The following DGKB variants were observed in gnomAD, a reference collection of about 807,000 sequenced individuals.
The protein encoded by DGKB is 90 kDa diacylglycerol kinase.
A neutral mutation model predicts 114.3 loss-of-function variants in DGKB; 67 were observed. The ratio of observed to expected loss-of-function variants is 0.59; its 90% CI spans 0.48 to 0.72. The LOEUF is 0.72. Among genes scored for constraint, DGKB ranks in the 30% least tolerant of loss-of-function variants. The probability of loss-of-function intolerance (pLI) is 0.00; values close to 1 mark genes in which losing one functional copy is unlikely to be tolerated. For missense variants in DGKB, 907 were observed against 975.2 expected, an observed-to-expected ratio of 0.93 and a Z score of 0.93; for synonymous variants, 398 against 323.1, an observed-to-expected ratio of 1.23 and a Z score of -2.49.
intron 2 of DGKB, among the ~76,000 whole-genome samples, chr7:14,779,266 G>T (rs1481567168): frequency 6.6e-6 from 1 of 151,958 alleles, no homozygotes; most frequent in Non-Finnish European, 1.5e-5. Flanking sequence ...GAGAGGGGTG[G>T]GGTTCATGCC....
chr7:14,362,557 C>G (rs1282815982), intron 21 of DGKB, among the ~76,000 whole-genome samples: 3 of 151,772 alleles, frequency 2.0e-5, no homozygotes, highest in Non-Finnish European at 4.4e-5. Context: ...TTTTATTTAT[C>G]TAAATGTGAG....
At chr7:14,491,716 G>A (rs1188382904) in intron 20 of DGKB, among the ~76,000 whole-genome samples, 1 of 152,040 alleles carries the variant, frequency 6.6e-6, no homozygotes, top group Non-Finnish European at 1.5e-5. Flanking sequence ...CCTGGAGGAT[G>A]TTAAAAAACA....
At chr7:14,457,012 C>A (rs991085537) in intron 21 of DGKB, among the ~76,000 whole-genome samples, 1 of 152,098 alleles carries the variant, frequency 6.6e-6, no homozygotes, top group African/African-American at 2.4e-5. Flanking sequence ...CCTACACTTT[C>A]ACTGTGCTGA....
At chr7:14,234,095 C>A (rs908130751) in intron 23 of DGKB, among the ~76,000 whole-genome samples, 3 of 152,054 alleles carry the variant, frequency 2.0e-5, no homozygotes, top group African/African-American at 7.2e-5. Context: ...TGAGTTCTTT[C>A]TTCTTTGCCT....
chr7:14,392,995 G>GTTTGTTTTTTTTTTTTTTTT (rs1821578405), intron 21 of DGKB, among the ~76,000 whole-genome samples: 1 of 60,546 alleles, frequency 1.7e-5, no homozygotes, highest in African/African-American at 4.8e-5. Flanking sequence ...TTTTGTTTTT[G>GTTTGTTTTTTTTTTTTTTTT]TTTTTTTTTT....
intron 17 of DGKB, among the ~76,000 whole-genome samples, chr7:14,587,296 T>C (rs1028241473): frequency 2.6e-5 from 4 of 152,068 alleles, no homozygotes; most frequent in African/African-American, 9.7e-5. Context: ...AGTAGAATTG[T>C]AAGTGGAGGC....
At chr7:14,315,919 T>G (rs1806392364) in intron 23 of DGKB, among the ~76,000 whole-genome samples, 1 of 151,372 alleles carries the variant, frequency 6.6e-6, no homozygotes, top group Admixed American at 6.6e-5. Context: ...AGAACAGAAA[T>G]TATAACAAAC....
chr7:14,496,286 T>C (rs1260290140), intron 20 of DGKB, among the ~76,000 whole-genome samples: 1 of 151,778 alleles, frequency 6.6e-6, no homozygotes, highest in Non-Finnish European at 1.5e-5. Context: ...AGCAATTTGT[T>C]CTTGGGTTTT....
At chr7:14,178,942 G>A (rs1460879233) in intron 23 of DGKB, among the ~76,000 whole-genome samples, 1 of 152,078 alleles carries the variant, frequency 6.6e-6, no homozygotes, top group African/African-American at 2.4e-5. Context: ...TAAGATAAAT[G>A]TGATTCTCCT....
intron 1 of DGKB, among the ~76,000 whole-genome samples, chr7:14,966,110 G>A (rs1168546589): frequency 6.6e-6 from 1 of 151,740 alleles, no homozygotes; most frequent in Non-Finnish European, 1.5e-5. Flanking sequence ...TCTTAATATT[G>A]GTTGAAGTTT....
chr7:14,536,298 T>G (rs1196175314), intron 20 of DGKB, among the ~76,000 whole-genome samples: 1 of 152,164 alleles, frequency 6.6e-6, no homozygotes, highest in African/African-American at 2.4e-5. Context: ...TCCAAACTCA[T>G]ATGAGGTCAG....
At chr7:14,893,440 T>C (rs1781610652) in intron 1 of DGKB, among the ~76,000 whole-genome samples, 2 of 151,438 alleles carry the variant, frequency 1.3e-5, no homozygotes, top group African/African-American at 2.4e-5. Context: ...CAAACTCTTC[T>C]ATTCCAATGC....
chr7:14,757,248 A>T (rs1835011596), intron 3 of DGKB, among the ~76,000 whole-genome samples: 1 of 152,056 alleles, frequency 6.6e-6, no homozygotes, highest in African/African-American at 2.4e-5. Flanking sequence ...TGGGTCATAG[A>T]CTGAGAGCCA....
At chr7:14,378,972 G>A (rs1003315170) in intron 21 of DGKB, among the ~76,000 whole-genome samples, 1 of 151,960 alleles carries the variant, frequency 6.6e-6, no homozygotes, top group Non-Finnish European at 1.5e-5. Context: ...ATGGATAGGA[G>A]GAAATTTTGA....
At chr7:14,395,904 C>T (rs1256067179) in intron 21 of DGKB, among the ~76,000 whole-genome samples, 1 of 151,866 alleles carries the variant, frequency 6.6e-6, no homozygotes, top group Non-Finnish European at 1.5e-5. Flanking sequence ...TAATTATATG[C>T]ATTGCAAGTT....
intron 21 of DGKB, among the ~76,000 whole-genome samples, chr7:14,380,399 T>C (rs1402537112): frequency 1.3e-5 from 2 of 152,122 alleles, no homozygotes; most frequent in African/African-American, 2.4e-5. Flanking sequence ...TTCTTCTCAA[T>C]GTAAATCATA....
At chr7:14,604,555 G>A (rs1026866854) in intron 17 of DGKB, among the ~76,000 whole-genome samples, 1 of 152,090 alleles carries the variant, frequency 6.6e-6, no homozygotes, top group Non-Finnish European at 1.5e-5. Context: ...AAAACCTATT[G>A]TTAGCATTGG....
At chr7:14,279,519 A>G (rs1366527866) in intron 23 of DGKB, among the ~76,000 whole-genome samples, 1 of 152,220 alleles carries the variant, frequency 6.6e-6, no homozygotes, top group Non-Finnish European at 1.5e-5. Flanking sequence ...TTCTCCCAGT[A>G]CGCAGCTGGA....
At chr7:14,701,808 T>A (rs1825236341) in intron 6 of DGKB, 78 bp from the exon 7 acceptor site, 1 of 980,268 alleles carries the variant, frequency 1.0e-6, no homozygotes, top group African/African-American at 1.6e-5. Context: ...TCATTAAAAT[T>A]TAGTTTGTGT....
Sources: gnomAD v4.1 joint callset for allele counts (sites outside exome capture counted in the v4.1 genomes callset) on GRCh38, gnomAD v4.1.1 for gene constraint, MANE v1.5 for transcripts, NCBI Gene and HGNC (gene_info 2026-07-23, HGNC 2026-07-21) for gene names.